Variants in CCDC171 observed in about 807,000 individuals in gnomAD.
CCDC171 encodes the protein coiled-coil domain-containing protein 171.
A neutral mutation model predicts 168.2 loss-of-function variants in CCDC171; 177 were observed. The ratio of observed to expected loss-of-function variants is 1.05; its 90% CI spans 0.93 to 1.19. CCDC171 has a LOEUF of 1.19. Ranked by LOEUF, CCDC171 falls within the 50% of genes most tolerant of loss-of-function variation. CCDC171 has a pLI of 0.00. For synonymous variants in CCDC171, 687 were observed against 540.8 expected (o/e 1.27, Z -3.75); for missense variants, 1,991 against 1,539.0 (o/e 1.29, Z -4.91).
intron 24 of CCDC171, among the ~76,000 whole-genome samples, chr9:15,885,315 G>C (rs1030235432): frequency 2.6e-5 from 4 of 152,054 alleles, no homozygotes; most frequent in African/African-American, 9.7e-5. Context: ...GACATGATGT[G>C]AACATAATTT....
intron 21 of CCDC171, among the ~76,000 whole-genome samples, chr9:15,828,031 G>A (rs2060085949): frequency 6.6e-6 from 1 of 152,080 alleles, no homozygotes; most frequent in South Asian, 2.1e-4. Context: ...AGAGGATATA[G>A]GAATAGAAAG....
At chr9:15,633,102 A>G (rs1292055413) in intron 7 of CCDC171, among the ~76,000 whole-genome samples, 2 of 152,236 alleles carry the variant, frequency 1.3e-5, no homozygotes, top group East Asian at 1.9e-4. Flanking sequence ...CATTCAGGAC[A>G]TAGGCATGGG....
chr9:15,629,586 A>C, intron 7 of CCDC171, among the ~76,000 whole-genome samples: 1 of 152,230 alleles, frequency 6.6e-6, no homozygotes, highest in East Asian at 1.9e-4. Context: ...GAATGGAACC[A>C]AGTTGGAAAA....
At position 15,991,773 on chromosome 9, in the gene CCDC171, A is replaced by G. The variant is rs1468947141; in HGVS notation, n.369-28816A>G. On this transcript the variant is annotated intron_variant and non_coding_transcript_variant, in intron 3 of 9. Coordinates refer to the CCDC171 transcript ENST00000486641. ...TCACCACCAACCCCACAGAAATACAAATTACCATCAGAGAATACTATAAAC... is the reference window on the plus strand; with the variant it reads ...TCACCACCAACCCCACAGAAATACAGATTACCATCAGAGAATACTATAAAC... Among the ~76,000 whole-genome samples, 7 of 152,210 alleles carry G rather than the reference A, an allele frequency of 4.6e-5. No individual in the cohort carries two copies. The East Asian group carries it at 5.8e-4, about 13-fold the overall frequency.
intron 16 of CCDC171, among the ~76,000 whole-genome samples, chr9:15,735,015 C>A (rs1234049672): frequency 1.3e-5 from 2 of 152,052 alleles, no homozygotes; most frequent in African/African-American, 4.8e-5. Flanking sequence ...AAGTAAAAAA[C>A]AATATTTGGA....
rs2055123372 is a variant in CCDC171, at chr9:15,744,474, C to T, written c.2251C>T (p.Gln751Ter). Reference sequence around the variant, plus strand: ...TAGCCGATCATGCGCCTTGTCTACACAGAGAGATTTTCTCCAGGAGCAGGT... The same window carrying T: ...TAGCCGATCATGCGCCTTGTCTACATAGAGAGATTTTCTCCAGGAGCAGGT... Reference protein sequence around the residue: ...LYSRSCALSTQRDFLQEQVNT... With the variant: ...LYSRSCALST The change falls in exon 17 of 26, where the codon CAG becomes TAG. Residue 751 changes from glutamine (Q) to a stop codon, truncating the protein, a stop_gained. Coordinates refer to ENST00000380701, the MANE Select transcript of CCDC171 (RefSeq NM_173550.4). LOFTEE classifies it high-confidence loss of function. 6.2e-7 allele frequency: 1 copy of T among 1,614,024 alleles called. No individual in the cohort carries two copies.
chr9:16,079,376 A>G, the CCDC171 span, among the ~76,000 whole-genome samples: 53,043 of 152,056 alleles, frequency 0.35, 11,368 homozygotes, highest in African/African-American at 0.61. Flanking sequence ...AAAATGAGGT[A>G]ATTAGGATGA....
intron 3 of CCDC171, among the ~76,000 whole-genome samples, chr9:16,009,053 A>C (rs939695616): frequency 1.3e-5 from 2 of 151,570 alleles, no homozygotes; most frequent in Admixed American, 6.6e-5. Context: ...AATTAATATA[A>C]AAATTGTATT....
At chr9:15,578,763 A>T (rs1465826032) in intron 3 of CCDC171, 86 bp from the exon 4 acceptor site, 11 of 1,104,162 alleles carry the variant, frequency 1.0e-5, no homozygotes, top group Non-Finnish European at 7.7e-6. Context: ...ATATTATGGA[A>T]ACAAGTTTCT....
intron 2 of CCDC171, among the ~76,000 whole-genome samples, chr9:15,568,163 C>CA (rs2039900271): frequency 6.6e-6 from 1 of 151,698 alleles, no homozygotes; most frequent in South Asian, 2.1e-4. Flanking sequence ...CTTTCAGAAT[C>CA]ATGTCCTTTG....
intron 18 of CCDC171, among the ~76,000 whole-genome samples, chr9:15,774,976 GA>G (rs1392101942): frequency 3.3e-5 from 5 of 152,128 alleles, no homozygotes; most frequent in Admixed American, 2.0e-4. Flanking sequence ...GGTGACGAGG[GA>G]TAAAAGACTA....
intron 18 of CCDC171, among the ~76,000 whole-genome samples, chr9:15,763,638 G>T (rs754281066): frequency 6.6e-6 from 1 of 152,160 alleles, no homozygotes; most frequent in Non-Finnish European, 1.5e-5. Flanking sequence ...TTCTCCTTAG[G>T]TGAGGCCAAA....
At chr9:15,642,513 G>A (rs1488467694) in intron 7 of CCDC171, among the ~76,000 whole-genome samples, 1 of 151,300 alleles carries the variant, frequency 6.6e-6, no homozygotes, top group African/African-American at 2.4e-5. Context: ...AAATTTTTTT[G>A]AGCAGCATGT....
At chr9:15,605,190 C>A (rs2043131777) in intron 6 of CCDC171, among the ~76,000 whole-genome samples, 4 of 152,072 alleles carry the variant, frequency 2.6e-5, no homozygotes, top group African/African-American at 9.7e-5. Context: ...AGCCACCACA[C>A]CTGGCTTATA....
At chr9:15,762,158 T>TTA (rs1375612814) in intron 18 of CCDC171, among the ~76,000 whole-genome samples, 1 of 150,238 alleles carries the variant, frequency 6.7e-6, no homozygotes, top group African/African-American at 2.4e-5. Context: ...CCTGAAGCTT[T>TTA]TTTTTTTTTT....
At chr9:15,651,296 A>G (rs1468118966) in intron 7 of CCDC171, among the ~76,000 whole-genome samples, 4 of 152,004 alleles carry the variant, frequency 2.6e-5, no homozygotes, top group African/African-American at 9.7e-5. Flanking sequence ...TTTAGTAGAG[A>G]CAGGGTTTTG....
At chr9:15,996,463 A>G (rs1203926460) in intron 3 of CCDC171, among the ~76,000 whole-genome samples, 2 of 146,842 alleles carry the variant, frequency 1.4e-5, no homozygotes, top group Non-Finnish European at 3.0e-5. Flanking sequence ...ACATTGGAAT[A>G]AACTGTGTAT....
chr9:15,888,378 A>G (rs1474719180), intron 24 of CCDC171, among the ~76,000 whole-genome samples: 5 of 152,222 alleles, frequency 3.3e-5, no homozygotes, highest in Non-Finnish European at 7.3e-5. Flanking sequence ...ATTCCAGTTA[A>G]GTATATAGCC....
At chr9:15,618,027 G>T (rs200910994) in intron 6 of CCDC171, among the ~76,000 whole-genome samples, 1 of 152,308 alleles carries the variant, frequency 6.6e-6, no homozygotes, top group East Asian at 1.9e-4. Context: ...AGGAGTGCGG[G>T]TGCGCTGTGC....
Sources: gnomAD v4.1 joint callset for allele counts (sites outside exome capture counted in the v4.1 genomes callset) on GRCh38, gnomAD v4.1.1 for gene constraint, MANE v1.5 for transcripts, NCBI Gene and HGNC (gene_info 2026-07-23, HGNC 2026-07-21) for gene names.